AGBL4: variants seen among roughly 807,000 people sequenced by gnomAD.
AGBL4 encodes AGBL carboxypeptidase 4.
Under a neutral mutation model 66.4 loss-of-function variants are expected in AGBL4, and 58 were observed. The ratio of observed to expected loss-of-function variants is 0.87; its 90% CI spans 0.71 to 1.09. AGBL4 has a LOEUF of 1.09. Among genes scored for constraint, AGBL4 ranks in the 50% least tolerant of loss-of-function variants. AGBL4 has a pLI of 0.00. For synonymous variants in AGBL4, 234 were observed against 222.9 expected, an observed-to-expected ratio of 1.05 and a Z score of -0.44; for missense variants, 579 against 631.0, an observed-to-expected ratio of 0.92 and a Z score of 0.88.
intron 3 of AGBL4, among the ~76,000 whole-genome samples, chr1:49,383,985 C>T (rs781061695): frequency 2.1e-4 from 32 of 151,802 alleles, no homozygotes; most frequent in South Asian, 6.2e-4. Context: ...TTAGTAGAGA[C>T]GGGGTTTCAC....
At chr1:48,964,826 CACA>C (rs534925350) in intron 5 of AGBL4, among the ~76,000 whole-genome samples, 1 of 152,114 alleles carries the variant, frequency 6.6e-6, no homozygotes, top group Non-Finnish European at 1.5e-5. Flanking sequence ...ATATGAAACT[CACA>C]ACAAGATAGC....
At chr1:49,121,921 C>T (rs757570044) in intron 4 of AGBL4, among the ~76,000 whole-genome samples, 2 of 152,246 alleles carry the variant, frequency 1.3e-5, no homozygotes, top group Non-Finnish European at 2.9e-5. Flanking sequence ...CAATGTCAGA[C>T]GCCCCTCCCC....
chr1:49,357,567 A>G (rs1644045899), intron 3 of AGBL4, among the ~76,000 whole-genome samples: 1 of 152,106 alleles, frequency 6.6e-6, no homozygotes, highest in African/African-American at 2.4e-5. Context: ...AATGGTTCCT[A>G]TATTCCAGGC....
At chr1:49,965,152 GA>G (rs1425325773) in intron 1 of AGBL4, among the ~76,000 whole-genome samples, 2 of 152,076 alleles carry the variant, frequency 1.3e-5, no homozygotes, top group African/African-American at 4.8e-5. Flanking sequence ...CAACTCCATG[GA>G]AATCAATGAT....
chr1:49,660,553 A>G lies in AGBL4; in HGVS notation c.282+36760T>C, dbSNP rs369703083. Among the ~76,000 whole-genome samples, 50 of 152,322 alleles carry G rather than the reference A, an allele frequency of 3.3e-4. 1 individual carries two copies. The South Asian group carries it at 9.5e-3, about 29-fold the overall frequency. ...TGGAAGACAGTGTGGTAATTCATCA[A>G]GTATCTAGAACCAGAAATACCATTT... is the stretch of plus-strand genomic sequence containing the variant. On this transcript the variant is annotated intron_variant, in intron 3 of 13. Coordinates refer to ENST00000371839, the MANE Select transcript of AGBL4 (RefSeq NM_032785.4).
chr1:49,652,111 C>T (rs1489957692), intron 3 of AGBL4, among the ~76,000 whole-genome samples: 1 of 152,018 alleles, frequency 6.6e-6, no homozygotes, highest in Non-Finnish European at 1.5e-5. Context: ...AGCTTGAAGG[C>T]CAGTCTTTCT....
chr1:49,911,939 G>A (rs943214168), intron 1 of AGBL4, among the ~76,000 whole-genome samples: 9 of 152,178 alleles, frequency 5.9e-5, no homozygotes, highest in Admixed American at 1.3e-4. Flanking sequence ...GCTTGCACAG[G>A]GACCTGTATT....
At chr1:49,063,800 A>G (rs1434980620) in intron 4 of AGBL4, among the ~76,000 whole-genome samples, 1 of 152,206 alleles carries the variant, frequency 6.6e-6, no homozygotes, top group Non-Finnish European at 1.5e-5. Flanking sequence ...TTCTGGAGGA[A>G]GACTGTTGCA....
chr1:49,881,397 T>C (rs1419752960), intron 1 of AGBL4, among the ~76,000 whole-genome samples: 1 of 152,150 alleles, frequency 6.6e-6, no homozygotes, highest in Non-Finnish European at 1.5e-5. Context: ...TCTGGGTATA[T>C]ACCCAGTAAT....
intron 10 of AGBL4, among the ~76,000 whole-genome samples, chr1:48,587,523 G>T (rs539307150): frequency 2.0e-4 from 31 of 152,178 alleles, no homozygotes; most frequent in African/African-American, 7.5e-4. Context: ...AGCTACTTGG[G>T]AGGCTGAGGT....
chr1:48,527,087 A>G, the AGBL4 span, among the ~76,000 whole-genome samples: 1 of 152,190 alleles, frequency 6.6e-6, no homozygotes, highest in African/African-American at 2.4e-5. Flanking sequence ...AGATAAAGCC[A>G]TAATTAGGAT....
chr1:49,380,448 C>T (rs1272724843), intron 3 of AGBL4, among the ~76,000 whole-genome samples: 1 of 152,028 alleles, frequency 6.6e-6, no homozygotes, highest in Admixed American at 6.6e-5. Flanking sequence ...CAATGCCATC[C>T]CCATCAAGCT....
chr1:49,153,497 A>G (rs1646376764), intron 4 of AGBL4, among the ~76,000 whole-genome samples: 1 of 152,178 alleles, frequency 6.6e-6, no homozygotes, highest in Non-Finnish European at 1.5e-5. Context: ...AGGAAAAGAG[A>G]GAATTTCTCT....
the AGBL4 span, among the ~76,000 whole-genome samples, chr1:48,524,855 T>C: frequency 3.9e-5 from 6 of 152,094 alleles, no homozygotes; most frequent in Non-Finnish European, 5.9e-5. Flanking sequence ...CTCCTTTTTT[T>C]TTTTTTTTTG....
chr1:49,082,683 C>CCATGGCCTCTCCCAAATCT (rs1319964759), intron 4 of AGBL4, among the ~76,000 whole-genome samples: 3 of 152,146 alleles, frequency 2.0e-5, no homozygotes, highest in Non-Finnish European at 4.4e-5. Flanking sequence ...ATCATTCTGC[C>CCATGGCCTCTCCCAAATCT]CATGGCCTCT....
intron 6 of AGBL4, among the ~76,000 whole-genome samples, chr1:48,818,848 T>G (rs1646247399): frequency 6.6e-6 from 1 of 152,174 alleles, no homozygotes; most frequent in Non-Finnish European, 1.5e-5. Context: ...TTTCATGTGT[T>G]TTTCTTGAAT....
intron 2 of AGBL4, among the ~76,000 whole-genome samples, chr1:49,773,293 C>G (rs1644111619): frequency 6.6e-6 from 1 of 152,058 alleles, no homozygotes. Flanking sequence ...TTATAAATAT[C>G]CTTTTCTTTA....
chr1:49,657,205 C>A (rs1184603917), intron 3 of AGBL4, among the ~76,000 whole-genome samples: 1 of 152,170 alleles, frequency 6.6e-6, no homozygotes, highest in African/African-American at 2.4e-5. Flanking sequence ...CATTCTTATA[C>A]ACCAATAACA....
chr1:49,886,647 AGAG>A (rs1423671539), intron 1 of AGBL4, among the ~76,000 whole-genome samples: 1 of 152,140 alleles, frequency 6.6e-6, no homozygotes, highest in Non-Finnish European at 1.5e-5. Flanking sequence ...CAGGAGTGTT[AGAG>A]GAGCAAGAAG....
Sources: allele counts gnomAD v4.1 joint callset (sites outside exome capture counted in the v4.1 genomes callset), GRCh38; gene constraint gnomAD v4.1.1; transcripts MANE v1.5; gene names NCBI Gene and HGNC (gene_info 2026-07-23, HGNC 2026-07-21).